Variants in ANKRD44 observed in about 807,000 individuals in gnomAD.
The protein encoded by ANKRD44 is serine/threonine-protein phosphatase 6 regulatory ankyrin repeat subunit B.
ANKRD44 carries 35 observed loss-of-function variants against 116.0 expected under a neutral mutation model. The ratio of observed to expected loss-of-function variants is 0.30; its 90% CI spans 0.23 to 0.40. The LOEUF is 0.40. Ranked by LOEUF, ANKRD44 falls within the 10% of genes least tolerant of loss-of-function variation. The pLI, the probability that ANKRD44 is intolerant of heterozygous loss-of-function variation, is 1.00. For synonymous variants in ANKRD44, 435 were observed against 461.8 expected (o/e 0.94, Z 0.74); for missense variants, 1,014 against 1,242.6 (o/e 0.82, Z 2.77).
At chr2:197,170,197 A>C (rs1279803845) in intron 2 of ANKRD44, among the ~76,000 whole-genome samples, 2 of 14,084 alleles carry the variant, frequency 1.4e-4, no homozygotes, top group Non-Finnish European at 3.1e-4. Context: ...TTCCAAAAAA[A>C]AAAAAAAAAA....
At chr2:197,120,821 A>G (rs1190634124) in intron 8 of ANKRD44, among the ~76,000 whole-genome samples, 1 of 152,180 alleles carries the variant, frequency 6.6e-6, no homozygotes, top group Non-Finnish European at 1.5e-5. Context: ...TCAATATCCT[A>G]GAGATCCAGT....
chr2:197,006,925 C>CA (rs1366811418), intron 20 of ANKRD44, among the ~76,000 whole-genome samples: 2 of 152,034 alleles, frequency 1.3e-5, no homozygotes, highest in African/African-American at 2.4e-5. Flanking sequence ...GGCAACATGG[C>CA]AAAACCCCAT....
chr2:197,039,492 G>A (rs2076867330), intron 16 of ANKRD44, among the ~76,000 whole-genome samples: 1 of 152,168 alleles, frequency 6.6e-6, no homozygotes, highest in South Asian at 2.1e-4. Flanking sequence ...TTCATATTAA[G>A]GGAATGGCCT....
chr2:197,013,659 G>A lies in ANKRD44; in HGVS notation c.1776C>T (p.Asp592=). The change falls in exon 18 of 28, where the codon GAC becomes GAT. Residue 592 remains aspartate, a synonymous_variant. Transcript: ENST00000282272. The part of the protein sequence containing the change: ...ALEVLLQSLV[D]LDIRDEKGRT... ...GGCCTTTCTCATCCCTGATGTCCAGGTCCACCAACGACTGCAGAAGGACTT... is the reference window on the plus strand; with the variant it reads ...GGCCTTTCTCATCCCTGATGTCCAGATCCACCAACGACTGCAGAAGGACTT... 1 of 1,613,916 alleles carries A rather than the reference G, an allele frequency of 6.2e-7. No individual in the cohort carries two copies. The highest frequency in any genetic ancestry group is 8.5e-7 in the Non-Finnish European group (1 of 1,180,044).
At chr2:197,100,656 G>C (rs980829751) in intron 9 of ANKRD44, among the ~76,000 whole-genome samples, 1 of 152,136 alleles carries the variant, frequency 6.6e-6, no homozygotes, top group African/African-American at 2.4e-5. Flanking sequence ...AACCAAAGGG[G>C]ATGGACAGTT....
chr2:197,206,923 C>A (rs1438161009), intron 1 of ANKRD44, among the ~76,000 whole-genome samples: 1 of 152,128 alleles, frequency 6.6e-6, no homozygotes, highest in Non-Finnish European at 1.5e-5. Flanking sequence ...CAGTGTCAAT[C>A]AGACTGTCTG....
intron 4 of ANKRD44, among the ~76,000 whole-genome samples, chr2:197,131,850 G>A (rs1437491741): frequency 1.3e-5 from 2 of 152,242 alleles, no homozygotes; most frequent in East Asian, 1.9e-4. Context: ...ATAAACGTGC[G>A]TTAGACTTTC....
chr2:196,967,328 C>T (rs1423781331), exon 22 of ANKRD44: 1 of 407,330 alleles, frequency 2.5e-6, no homozygotes, highest in African/African-American at 2.1e-5. Context: ...GCAGCTCCTG[C>T]AGAGTGTAAC....
chr2:196,971,073 T>C (rs2125858435), intron 21 of ANKRD44, among the ~76,000 whole-genome samples: 1 of 152,356 alleles, frequency 6.6e-6, no homozygotes. Context: ...GCATATTTTT[T>C]TTGCATATAA....
intron 20 of ANKRD44, among the ~76,000 whole-genome samples, chr2:197,007,225 G>A (rs2076217069): frequency 6.6e-6 from 1 of 151,970 alleles, no homozygotes; most frequent in Non-Finnish European, 1.5e-5. Flanking sequence ...GGTAATCATT[G>A]AAATAAACTA....
At chr2:197,302,033 C>G (rs972059193) in intron 1 of ANKRD44, among the ~76,000 whole-genome samples, 1 of 152,152 alleles carries the variant, frequency 6.6e-6, no homozygotes, top group Non-Finnish European at 1.5e-5. Context: ...GTGAGCCATG[C>G]AGATATCTAG....
intron 15 of ANKRD44, among the ~76,000 whole-genome samples, chr2:197,080,243 A>G (rs1231870184): frequency 2.0e-5 from 3 of 152,258 alleles, no homozygotes; most frequent in African/African-American, 7.2e-5. Context: ...TTATTATAAT[A>G]AAAGTAATGT....
rs141674552 is a variant in ANKRD44 at position 197,302,760 on chromosome 2, G to A, written c.27+7818C>T. 1.6e-3 allele frequency among the ~76,000 whole-genome samples: 237 copies of A among 152,282 alleles called. 1 individual carries two copies. The highest frequency in any genetic ancestry group is 5.4e-3 in the African/African-American group (226 of 41,560). On this transcript the variant is annotated intron_variant, in intron 1 of 27. Coordinates refer to ENST00000282272, the MANE Select transcript of ANKRD44 (RefSeq NM_001195144.2). ...ATACAGAGGCTGGTGATTACATGTA[G>A]GAATTTTCTTCCTTTCTTGAGAAAG... is the stretch of plus-strand genomic sequence containing the variant.
intron 1 of ANKRD44, among the ~76,000 whole-genome samples, chr2:197,295,294 TTC>T (rs2083684800): frequency 6.6e-6 from 1 of 152,178 alleles, no homozygotes. Context: ...GGCAAATTTT[TTC>T]CTGTAAAAGG....
intron 3 of ANKRD44, among the ~76,000 whole-genome samples, chr2:197,137,937 T>C (rs1366190615): frequency 1.3e-5 from 2 of 152,128 alleles, no homozygotes; most frequent in African/African-American, 4.8e-5. Flanking sequence ...TCAATAGGCA[T>C]CTCTGGCCTC....
chr2:196,991,763 GTT>G (rs11321040), intron 27 of ANKRD44, among the ~76,000 whole-genome samples: 57 of 144,952 alleles, frequency 3.9e-4, no homozygotes, highest in South Asian at 1.1e-3. Context: ...TCTTTTTTTG[GTT>G]TTTTTTTTTT....
At chr2:197,251,526 A>G (rs950916280) in intron 1 of ANKRD44, among the ~76,000 whole-genome samples, 1 of 152,186 alleles carries the variant, frequency 6.6e-6, no homozygotes, top group Non-Finnish European at 1.5e-5. Context: ...TTTTATTTAT[A>G]TTTATATTAG....
chr2:196,985,089 C>T (rs937012367), downstream of ANKRD44, among the ~76,000 whole-genome samples: 17 of 152,254 alleles, frequency 1.1e-4, no homozygotes, highest in Admixed American at 6.5e-5. Flanking sequence ...ATGTTGTGAG[C>T]TTCCCTATGG....
At chr2:197,184,408 G>A (rs1193477302) in intron 2 of ANKRD44, among the ~76,000 whole-genome samples, 5 of 151,950 alleles carry the variant, frequency 3.3e-5, no homozygotes, top group East Asian at 3.9e-4. Flanking sequence ...TTGGGAGGCC[G>A]AGGCAGGCAG....
Sources: gnomAD v4.1 joint callset for allele counts (sites outside exome capture counted in the v4.1 genomes callset) on GRCh38, gnomAD v4.1.1 for gene constraint, MANE v1.5 for transcripts, NCBI Gene and HGNC (gene_info 2026-07-23, HGNC 2026-07-21) for gene names.